The following LIG1 variants were observed in gnomAD, a reference collection of about 807,000 sequenced individuals.
The protein encoded by LIG1 is ligase I, DNA, ATP-dependent.
Under a neutral mutation model 115.7 loss-of-function variants are expected in LIG1, and 70 were observed. That is an observed-to-expected ratio of 0.60 (90% CI 0.50 to 0.74). The LOEUF (loss-of-function observed/expected upper bound fraction) is 0.74. LIG1 is among the 30% of genes least tolerant of loss of function. LIG1 has a pLI of 0.00. For synonymous variants in LIG1, 487 were observed against 495.3 expected (o/e 0.98, Z 0.22); for missense variants, 1,115 against 1,225.6 (o/e 0.91, Z 1.35).
chr19:48,156,938 CAAA>C (rs370802542), intron 5 of LIG1, 73 bp downstream of exon 5: 12,192 of 599,786 alleles, frequency 0.02, no homozygotes, highest in South Asian at 0.028. Context: ...GACTATGTCT[CAAA>C]AAAAAAAAAA....
At position 48,159,084 on chromosome 19, in the gene LIG1, T is replaced by TTTC. The variant is rs199916426; in HGVS notation, c.244-1945_244-1944insGAA. Among the ~76,000 whole-genome samples the TTTC allele has an allele frequency of 3.0e-4, 43 of 145,458 alleles. 1 individual carries two copies. The highest frequency in any genetic ancestry group is 4.7e-4 in the Admixed American group (7 of 14,742). On this transcript the variant is annotated intron_variant, in intron 4 of 27. Transcript: ENST00000263274. ...TGGAGATACAGGTCTCAGATAATTT[T>TTTC]TTTTTTTTTTTGAGATGGAGTCTTG...
intron 19 of LIG1, 110 bp from the exon 20 acceptor site, chr19:48,128,130 T>G: frequency 1.2e-6 from 1 of 837,932 alleles, no homozygotes; most frequent in Non-Finnish European, 2.1e-6. Flanking sequence ...CAAGATGCAC[T>G]AACAAAGAGG....
At chr19:48,144,972 A>G (rs2035026156) in intron 9 of LIG1, among the ~76,000 whole-genome samples, 1 of 152,006 alleles carries the variant, frequency 6.6e-6, no homozygotes, top group Non-Finnish European at 1.5e-5. Context: ...AGTGCAGTGG[A>G]GCAATGCGCA....
In LIG1 at chr19:48,143,886, T is replaced by G. The variant is rs1165413790; in HGVS notation, c.854A>C (p.Gln285Pro). The G allele has an allele frequency of 5.0e-6, 8 of 1,612,862 alleles. No homozygotes were observed. Among genetic ancestry groups the G allele is most frequent in the Non-Finnish European group, 6.8e-6 (8 of 1,178,908 alleles). Residue 285 changes from glutamine to proline, a missense_variant, in exon 10 of 28, where the codon CAG becomes CCG. Physicochemically the swap from Gln to Pro is moderately conservative, Grantham distance 76. Coordinates refer to ENST00000263274, the MANE Select transcript of LIG1 (RefSeq NM_000234.3). Reference sequence around the variant, plus strand: ...TCTGAAAAGGGAGAAACCTCACTTCTGGCCCGGTTTCCAGCAGGCATCTTC... The same window carrying G: ...TCTGAAAAGGGAGAAACCTCACTTCGGGCCCGGTTTCCAGCAGGCATCTTC... ...PVEDACWKPG[Q>P]KVPYLAVART...
intron 26 of LIG1, 171 bp from the exon 27 acceptor site, chr19:48,116,136 T>TA (rs1167513837): frequency 7.8e-6 from 5 of 641,742 alleles, no homozygotes; most frequent in Non-Finnish European, 1.4e-5. Flanking sequence ...CCGGGCACAG[T>TA]AAGTGCTCAA....
chr19:48,151,144 T>A, intron 7 of LIG1, 88 bp downstream of exon 7: 1 of 756,608 alleles, frequency 1.3e-6, no homozygotes, highest in East Asian at 2.5e-5. Context: ...TGAGAATCTA[T>A]GCCTTGTTTA....
intron 9 of LIG1, among the ~76,000 whole-genome samples, chr19:48,146,903 C>A (rs1390209282): frequency 1.3e-5 from 2 of 152,126 alleles, no homozygotes; most frequent in Non-Finnish European, 2.9e-5. Context: ...TGTGACCTGG[C>A]GAGGCCCGAC....
At chr19:48,139,775 C>A (rs181300861) in intron 12 of LIG1, among the ~76,000 whole-genome samples, 196 bp downstream of exon 12, 92 of 146,534 alleles carry the variant, frequency 6.3e-4, no homozygotes, top group African/African-American at 2.2e-3. Context: ...CTGGTCCTCC[C>A]TCACCTGAAC....
rs949853481 is a variant in LIG1, at chr19:48,157,268, A to T, written c.244-128T>A. The T allele has an allele frequency of 1.6e-5, 17 of 1,044,286 alleles. No individual in the cohort carries two copies. In the South Asian group the frequency reaches 3.0e-4, roughly 18 times the overall value. The allele number at this position is 1,044,286 out of a possible 1,614,324, so 64.7% of individuals were successfully genotyped here. ...TTTCTGACCCTATGGTCTCAGCCCT[A>T]ACTCAGGGGTGGCCTCTTCTCACCT... On this transcript the variant is annotated intron_variant, in intron 4 of 27. Transcript: ENST00000263274.
intron 12 of LIG1, 75 bp downstream of exon 12, chr19:48,139,896 C>T (rs1451545332): frequency 1.2e-5 from 18 of 1,531,500 alleles, no homozygotes; most frequent in East Asian, 9.0e-5. Flanking sequence ...ACCATCTCTC[C>T]GATCCACCTG....
At chr19:48,125,713 GCGTGGTGGCTC>G (rs2033619183) in intron 21 of LIG1, among the ~76,000 whole-genome samples, 1 of 152,218 alleles carries the variant, frequency 6.6e-6, no homozygotes, top group Non-Finnish European at 1.5e-5. Context: ...GATGGGCCGG[GCGTGGTGGCTC>G]ACGCCTGTAA....
intron 15 of LIG1, 127 bp from the exon 16 acceptor site, chr19:48,135,906 C>T: frequency 3.2e-6 from 3 of 939,742 alleles, no homozygotes; most frequent in South Asian, 1.4e-5. Context: ...CTCCCCCCCA[C>T]CCAGGAGAGA....
chr19:48,120,580 G>A (rs1446083332), intron 24 of LIG1: 1 of 983,302 alleles, frequency 1.0e-6, no homozygotes, highest in Non-Finnish European at 1.2e-6. Context: ...TTGAAAAAAA[G>A]TAAATCACTT....
chr19:48,161,558 T>C (rs965824632), intron 3 of LIG1, 51 bp from the exon 4 acceptor site: 11 of 1,598,696 alleles, frequency 6.9e-6, no homozygotes, highest in Non-Finnish European at 8.6e-6. Flanking sequence ...GCAGGCAGAG[T>C]GGGGGCACTG....
At chr19:48,120,089 G>A in intron 24 of LIG1, 1 of 700,320 alleles carries the variant, frequency 1.4e-6, no homozygotes, top group Non-Finnish European at 1.8e-6. Flanking sequence ...TAGATTGGTG[G>A]CCAAAACATT....
chr19:48,121,411 A>C, intron 23 of LIG1, 89 bp from the exon 24 acceptor site: 1 of 1,258,670 alleles, frequency 7.9e-7, no homozygotes, highest in Non-Finnish European at 1.1e-6. Flanking sequence ...TGGACTGAGG[A>C]GGGACTAGAA....
At chr19:48,163,625 A>G (rs2036310833) in intron 2 of LIG1, among the ~76,000 whole-genome samples, 1 of 152,104 alleles carries the variant, frequency 6.6e-6, no homozygotes. Context: ...GGTGAAGGGC[A>G]GAAATATTAA....
chr19:48,147,616 G>C (rs879882166), intron 9 of LIG1, among the ~76,000 whole-genome samples: 1 of 151,056 alleles, frequency 6.6e-6, no homozygotes, highest in Non-Finnish European at 1.5e-5. Context: ...CTGCACTCCA[G>C]CCTGGGTAAC....
At position 48,142,442 on chromosome 19, in the gene LIG1, C is replaced by CAAAAAAAAAAAACAAAAA. The variant is rs2034825639; in HGVS notation, c.914+1100_914+1101insTTTTTGTTTTTTTTTTTT. On this transcript the variant is annotated intron_variant, in intron 11 of 27. Transcript: ENST00000263274. ...TGGGCAACAGAGCAAGACTCCATCT[C>CAAAAAAAAAAAACAAAAA]AAAAAAAAAAAAAAACAGAGTGCTG... Among the ~76,000 whole-genome samples the CAAAAAAAAAAAACAAAAA allele has an allele frequency of 2.6e-5, 2 of 75,604 alleles. 1 individual carries two copies. Among genetic ancestry groups the CAAAAAAAAAAAACAAAAA allele is most frequent in the Non-Finnish European group, 5.2e-5 (2 of 38,564 alleles). 49.6% of individuals were successfully genotyped at this position (75,604 alleles called of 152,430 possible).
Sources: gnomAD v4.1 joint callset for allele counts (sites outside exome capture counted in the v4.1 genomes callset) on GRCh38, gnomAD v4.1.1 for gene constraint, MANE v1.5 for transcripts, NCBI Gene and HGNC (gene_info 2026-07-23, HGNC 2026-07-21) for gene names.